Variants in AASDH observed in about 807,000 individuals in gnomAD.
The protein encoded by AASDH is aminoadipate-semialdehyde dehydrogenase, also known as beta-alanine-activating enzyme.
AASDH carries 81 observed loss-of-function variants against 102.3 expected under a neutral mutation model. That is an observed-to-expected ratio of 0.79 (90% CI 0.66 to 0.95). AASDH has a LOEUF of 0.95. AASDH is among the 40% of genes least tolerant of loss of function. AASDH has a pLI of 0.00. For missense variants in AASDH, 1,203 were observed against 1,266.2 expected (o/e 0.95, Z 0.76); for synonymous variants, 398 against 454.0 (o/e 0.88, Z 1.57).
chr4:56,364,052 C>G (rs148883947), intron 5 of AASDH, among the ~76,000 whole-genome samples: 1 of 152,042 alleles, frequency 6.6e-6, no homozygotes, highest in Non-Finnish European at 1.5e-5. Flanking sequence ...AACCATGGCA[C>G]GAGAACTACA....
intron 14 of AASDH, among the ~76,000 whole-genome samples, chr4:56,341,683 G>C (rs1747712208): frequency 1.3e-5 from 2 of 151,676 alleles, no homozygotes; most frequent in African/African-American, 4.8e-5. Flanking sequence ...TTACAGGCGT[G>C]AGCCATGATG....
rs930355045 is a variant in AASDH, at chr4:56,344,273, C to T, written c.2653-589G>A. ...TGGTCAAATCGTTTTCATTAGAGGCCTCACTAGTTACAACCTCTTACCACT... is the reference window on the plus strand; with the variant it reads ...TGGTCAAATCGTTTTCATTAGAGGCTTCACTAGTTACAACCTCTTACCACT... On this transcript the variant is annotated intron_variant, in intron 12 of 14. Coordinates refer to ENST00000205214, the MANE Select transcript of AASDH (RefSeq NM_181806.4). Among the ~76,000 whole-genome samples the T allele has an allele frequency of 7.2e-5, 11 of 152,124 alleles. 1 individual carries two copies. Among genetic ancestry groups the T allele is most frequent in the Admixed American group, 2.0e-4 (3 of 15,256 alleles).
At position 56,349,875 on chromosome 4, in the gene AASDH, T is replaced by C. The variant is rs891017676; in HGVS notation, c.1876A>G (p.Ile626Val). Residue 626 changes from isoleucine (I) to valine (V), a missense_variant, in exon 11 of 15, where the codon ATC becomes GTC. Physicochemically the swap from Ile to Val is conservative, Grantham distance 29. Transcript: ENST00000205214. ...SSSILEIYNH[I>V]LQTVVPDEDV... is the part of the protein sequence containing the mutation. ...TCATCTGGAACCACTGTTTGAAGGA[T>C]GTGATTATAAATCTCTAAAATGGAA... 2 of 1,614,068 alleles carry C rather than the reference T, an allele frequency of 1.2e-6. No individual in the cohort carries two copies. Among genetic ancestry groups the C allele is most frequent in the Admixed American group, 3.3e-5 (2 of 60,002 alleles).
At chr4:56,365,861 A>G (rs1243962012) in intron 5 of AASDH, among the ~76,000 whole-genome samples, 30 of 152,226 alleles carry the variant, frequency 2.0e-4, no homozygotes. Flanking sequence ...GCAAGAAATA[A>G]CTAAGATCAG....
chr4:56,381,672 C>CACACACAT (rs1752976562), intron 3 of AASDH: 1 of 152,054 alleles, frequency 6.6e-6, no homozygotes, highest in Non-Finnish European at 1.5e-5. Flanking sequence ...CACACACACA[C>CACACACAT]ACACAGTTGG....
In AASDH at chr4:56,371,499, T is replaced by C. The variant is rs1364948318; in HGVS notation, c.813A>G (p.Ser271=). The C allele has an allele frequency of 6.2e-7, 1 of 1,613,032 alleles. No homozygotes were observed. Among genetic ancestry groups the C allele is most frequent in the Admixed American group, 1.7e-5 (1 of 59,550 alleles). ...IVPTSVKLLP[S]KLASVLFSHH... ...GGGAAAAGAGAACGCTGGCTAATTT[T>C]GATGGGAGCAACTTGACGGAAGTTG... Residue 271 remains serine (S), a synonymous_variant, in exon 5 of 15, where the codon TCA becomes TCG. Coordinates refer to ENST00000205214, the MANE Select transcript of AASDH (RefSeq NM_181806.4).
chr4:56,340,522 A>G (rs1747542848), intron 14 of AASDH, among the ~76,000 whole-genome samples: 1 of 152,186 alleles, frequency 6.6e-6, no homozygotes, highest in South Asian at 2.1e-4. Flanking sequence ...ATATAAAAAT[A>G]AACTCGAGAT....
In AASDH at chr4:56,338,334, C is replaced by T. The variant is rs1747100830; in HGVS notation, c.*68G>A. The T allele has an allele frequency of 6.7e-7, 1 of 1,503,396 alleles. No individual in the cohort carries two copies. Among genetic ancestry groups the T allele is most frequent in the Non-Finnish European group, 9.0e-7 (1 of 1,109,062 alleles). The allele number at this position is 1,503,396 out of a possible 1,614,324, so 93.1% of individuals were successfully genotyped here. ...TCTTCTTTAATATAAAATAAGTCCACATGATGTATAATGGTAAAATATTTT... is the reference window on the plus strand; with the variant it reads ...TCTTCTTTAATATAAAATAAGTCCATATGATGTATAATGGTAAAATATTTT... On this transcript the variant is annotated 3_prime_UTR_variant, in exon 15 of 15. Transcript: ENST00000205214.
At chr4:56,371,986 C>A (rs77075394) in intron 4 of AASDH, among the ~76,000 whole-genome samples, 2,463 of 152,272 alleles carry the variant, frequency 0.016, 39 homozygotes, top group Middle Eastern at 0.048. Flanking sequence ...CTCTTGAGAG[C>A]TGAAGAACAG....
chr4:56,376,019 C>CTTTTT (rs67950154), intron 4 of AASDH, among the ~76,000 whole-genome samples: 4 of 106,740 alleles, frequency 3.7e-5, no homozygotes, highest in African/African-American at 7.2e-5. Context: ...AACCGCTCAT[C>CTTTTT]TTTTTTTTTT....
intron 14 of AASDH, among the ~76,000 whole-genome samples, chr4:56,342,249 C>CCAA (rs1242316957): frequency 6.6e-6 from 1 of 151,794 alleles, no homozygotes; most frequent in African/African-American, 2.4e-5. Context: ...ATGACTACAG[C>CCAA]CAACAACAAT....
intron 3 of AASDH, among the ~76,000 whole-genome samples, chr4:56,381,231 T>G (rs976474772): frequency 2.0e-5 from 3 of 151,880 alleles, no homozygotes; most frequent in Non-Finnish European, 2.9e-5. Flanking sequence ...ATTTGAGGAG[T>G]AGAGGAAATT....
chr4:56,354,847 T>C, intron 6 of AASDH, 36 bp from the exon 7 acceptor site: 1 of 1,478,246 alleles, frequency 6.8e-7, no homozygotes, highest in Non-Finnish European at 9.3e-7. Context: ...TTTAAAATTT[T>C]TCATTTGAAT....
Position 56,378,379 on chromosome 4 carries a change from C to T in AASDH, c.437G>A (p.Trp146Ter), listed in dbSNP as rs188437081. 1 of 1,613,786 alleles carries T rather than the reference C, an allele frequency of 6.2e-7. No homozygotes were observed. Among genetic ancestry groups the T allele is most frequent in the East Asian group, 2.2e-5 (1 of 44,858 alleles). Residue 146 changes from tryptophan to a stop codon, truncating the protein, a stop_gained, in exon 4 of 15, where the codon TGG becomes TAG. Transcript: ENST00000205214. LOFTEE classifies it high-confidence loss of function. The stretch of plus-strand genomic sequence containing the variant: ...CATCAAGTTCACCTCAGTATTTTTC[C>T]AGTGAAGTCTGAAGAGCACTAGGTC... The part of the protein sequence containing the change: ...HNDLVLFRLH[W>*]KNTEVNLMLN...
At position 56,338,325 on chromosome 4, in the gene AASDH, A is replaced by T; in HGVS notation, c.*77T>A. On this transcript the variant is annotated 3_prime_UTR_variant, in exon 15 of 15. Transcript: ENST00000205214. ...AAAATATAATCTTCTTTAATATAAAATAAGTCCACATGATGTATAATGGTA... is the reference window on the plus strand; with the variant it reads ...AAAATATAATCTTCTTTAATATAAATTAAGTCCACATGATGTATAATGGTA... 7 of 1,440,494 alleles carry T rather than the reference A, an allele frequency of 4.9e-6. No individual in the cohort carries two copies. The highest frequency in any genetic ancestry group is 6.6e-6 in the Non-Finnish European group (7 of 1,060,554). 89.2% of individuals were successfully genotyped at this position (1,440,494 alleles called of 1,614,324 possible).
At position 56,349,520 on chromosome 4, in the gene AASDH, C is replaced by G; in HGVS notation, c.2231G>C (p.Gly744Ala). ...TTTCTGAGTCCCTATCGCAGGTTTC[C>G]CCTCTTCAGAAACTTTTGCAACACA... ...PSCVAKVSEE[G>A]KPAIGTQKME... The change falls in exon 11 of 15, where the codon GGG (glycine) becomes GCG (alanine). Residue 744 changes from glycine (G) to alanine (A), a missense_variant. Coordinates refer to ENST00000205214, the MANE Select transcript of AASDH (RefSeq NM_181806.4). The G allele has an allele frequency of 6.2e-7, 1 of 1,614,196 alleles. No individual in the cohort carries two copies. The highest frequency in any genetic ancestry group is 8.5e-7 in the Non-Finnish European group (1 of 1,180,024).
intron 3 of AASDH, among the ~76,000 whole-genome samples, chr4:56,380,755 A>G (rs1414239753): frequency 6.6e-6 from 1 of 152,182 alleles, no homozygotes; most frequent in Non-Finnish European, 1.5e-5. Flanking sequence ...GATATTTTGG[A>G]CCAGAAAATT....
chr4:56,386,783 G>T (rs1419612500), intron 1 of AASDH, among the ~76,000 whole-genome samples: 1 of 101,904 alleles, frequency 9.8e-6, no homozygotes, highest in Non-Finnish European at 1.7e-5. Context: ...CTGGGCGACA[G>T]AGCGAGACTC....
intron 5 of AASDH, among the ~76,000 whole-genome samples, chr4:56,366,642 C>T (rs1227188522): frequency 6.6e-6 from 1 of 151,288 alleles, no homozygotes; most frequent in African/African-American, 2.4e-5. Context: ...TCAATAGATG[C>T]AGAAAAGGCC....
Sources: allele counts gnomAD v4.1 joint callset (sites outside exome capture counted in the v4.1 genomes callset), GRCh38; gene constraint gnomAD v4.1.1; transcripts MANE v1.5; gene names NCBI Gene and HGNC (gene_info 2026-07-23, HGNC 2026-07-21).